Variants in RGS6 observed in about 807,000 individuals in gnomAD.
RGS6 encodes regulator of G protein signaling 6.
RGS6 carries 30 observed loss-of-function variants against 78.5 expected under a neutral mutation model. The ratio of observed to expected loss-of-function variants is 0.38; its 90% CI spans 0.29 to 0.52. The LOEUF is 0.52. RGS6 is among the 20% of genes least tolerant of loss of function. The pLI is 0.85. For synonymous variants in RGS6, 206 were observed against 206.0 expected, an observed-to-expected ratio of 1.00 and a Z score of 0.00; for missense variants, 495 against 609.7, an observed-to-expected ratio of 0.81 and a Z score of 1.98.
intron 3 of RGS6, 57 bp downstream of exon 3, chr14:72,352,251 T>C: frequency 1.3e-5 from 18 of 1,348,038 alleles, no homozygotes; most frequent in Non-Finnish European, 1.9e-5. Context: ...GAGTTATAAG[T>C]CTAGATTGCG....
At chr14:72,407,188 G>A (rs1740472993) in intron 3 of RGS6, among the ~76,000 whole-genome samples, 2 of 152,164 alleles carry the variant, frequency 1.3e-5, no homozygotes, top group Admixed American at 1.3e-4. Context: ...TAACTCATGT[G>A]GTAAAAGAAT....
chr14:72,595,886 C>T, the RGS6 span, among the ~76,000 whole-genome samples: 2 of 152,182 alleles, frequency 1.3e-5, no homozygotes, highest in South Asian at 2.1e-4. Context: ...CGTACCTCCA[C>T]GGAAAGCCAC....
At chr14:71,889,129 G>A in the RGS6 span, among the ~76,000 whole-genome samples, 104 of 152,210 alleles carry the variant, frequency 6.8e-4, no homozygotes, top group Middle Eastern at 3.4e-3. Context: ...ATTCAGAGGC[G>A]GGCAGGATCT....
At chr14:72,094,053 AT>A (rs1264231283) in intron 2 of RGS6, among the ~76,000 whole-genome samples, 4 of 152,204 alleles carry the variant, frequency 2.6e-5, no homozygotes, top group African/African-American at 7.2e-5. Flanking sequence ...CATGAAAAAA[AT>A]ATAAGGCTTA....
intron 2 of RGS6, among the ~76,000 whole-genome samples, chr14:72,223,610 G>A (rs1156282027): frequency 1.3e-5 from 2 of 152,196 alleles, no homozygotes; most frequent in Non-Finnish European, 2.9e-5. Context: ...AATGGCTAAG[G>A]CATGGTGATG....
At chr14:72,457,505 C>G (rs1421345235) in intron 4 of RGS6, among the ~76,000 whole-genome samples, 1 of 151,838 alleles carries the variant, frequency 6.6e-6, no homozygotes, top group Non-Finnish European at 1.5e-5. Flanking sequence ...CGCTGTGTTG[C>G]TCAGGCTTGT....
rs759236267 is a variant in RGS6, at chr14:72,518,532, G to A, written c.1273G>A (p.Ala425Thr). The A allele has an allele frequency of 5.0e-6, 8 of 1,613,752 alleles. No individual in the cohort carries two copies. The highest frequency in any genetic ancestry group is 1.1e-5 in the South Asian group (1 of 91,060). Reference protein sequence around the residue: ...KDGGRYTFEDAQEHIYKLMKS... With the variant: ...KDGGRYTFEDTQEHIYKLMKS... ...TGGAGGGAGATATACATTTGAAGACGCCCAGGTTTGCTTATCTACTCAAGT... is the reference window on the plus strand; with the variant it reads ...TGGAGGGAGATATACATTTGAAGACACCCAGGTTTGCTTATCTACTCAAGT... The change falls in exon 15 of 18, where the codon GCC becomes ACC. Residue 425 changes from alanine (A) to threonine (T), a missense_variant. Coordinates refer to ENST00000553525, the MANE Select transcript of RGS6 (RefSeq NM_001204424.2).
intron 12 of RGS6, among the ~76,000 whole-genome samples, chr14:72,484,191 G>T (rs1369998431): frequency 6.6e-5 from 10 of 152,186 alleles, no homozygotes; most frequent in Admixed American, 6.5e-4. Flanking sequence ...GTCTTCTCAT[G>T]TAGAGGCTCT....
At chr14:71,994,279 A>AT (rs1270595761) in intron 2 of RGS6, among the ~76,000 whole-genome samples, 2 of 151,972 alleles carry the variant, frequency 1.3e-5, no homozygotes, top group Non-Finnish European at 2.9e-5. Context: ...CTAACGAAGA[A>AT]TTTTTTATTT....
chr14:72,261,649 C>T (rs1032356816), intron 2 of RGS6, among the ~76,000 whole-genome samples: 2 of 152,160 alleles, frequency 1.3e-5, no homozygotes, highest in Non-Finnish European at 2.9e-5. Flanking sequence ...CAAACCCACA[C>T]GATACAGAGA....
At chr14:72,020,688 A>G (rs1220306174) in intron 2 of RGS6, among the ~76,000 whole-genome samples, 2 of 152,086 alleles carry the variant, frequency 1.3e-5, no homozygotes, top group African/African-American at 4.8e-5. Flanking sequence ...GGCACTTTTT[A>G]AAGCACTTTA....
In RGS6 at chr14:72,548,342, T is replaced by TGTGTGTGTGTGTGCGCGC. The variant is rs796698263; in HGVS notation, c.1422+8249_1422+8250insTGTGTGTGTGTGCGCGCG. Among the ~76,000 whole-genome samples the TGTGTGTGTGTGTGCGCGC allele has an allele frequency of 4.2e-3, 571 of 134,812 alleles. 9 individuals carry two copies. Among genetic ancestry groups the TGTGTGTGTGTGTGCGCGC allele is most frequent in the East Asian group, 0.038 (151 of 3,976 alleles). 88.4% of individuals were successfully genotyped at this position (134,812 alleles called of 152,430 possible). ...CAGATCATATTTGTGTGTGTGTGTG[T>TGTGTGTGTGTGTGCGCGC]GCGCGCGTGTGTGTGTGTGTGTGTG... On this transcript the variant is annotated intron_variant, in intron 17 of 17. Transcript: ENST00000553525.
intron 15 of RGS6, among the ~76,000 whole-genome samples, chr14:72,520,116 G>A (rs2097014059): frequency 6.6e-6 from 1 of 152,002 alleles, no homozygotes; most frequent in Non-Finnish European, 1.5e-5. Context: ...ACAAATCCAA[G>A]ATGTTGCATC....
intron 3 of RGS6, among the ~76,000 whole-genome samples, chr14:72,425,252 C>T (rs750539757): frequency 1.3e-5 from 2 of 152,098 alleles, no homozygotes; most frequent in Non-Finnish European, 2.9e-5. Flanking sequence ...AATTCTCATG[C>T]CTCAGCCTCC....
intron 17 of RGS6, among the ~76,000 whole-genome samples, chr14:72,545,911 G>A (rs1050704763): frequency 1.1e-5 from 1 of 90,816 alleles, no homozygotes; most frequent in Non-Finnish European, 2.0e-5. Flanking sequence ...ATGCCCAGCT[G>A]TGTGTGTGTG....
the RGS6 span, chr14:72,619,766 G>T: frequency 1.2e-6 from 1 of 828,874 alleles, no homozygotes; most frequent in East Asian, 2.8e-5. Context: ...TACCTTGTGG[G>T]GTTGTGATGA....
At chr14:72,054,722 A>AC (rs2093526819) in intron 2 of RGS6, among the ~76,000 whole-genome samples, 1 of 151,674 alleles carries the variant, frequency 6.6e-6, no homozygotes, top group Non-Finnish European at 1.5e-5. Flanking sequence ...TTACTCCTTC[A>AC]CCTCCCCATC....
At chr14:72,298,775 AGT>A (rs2152389234) in intron 2 of RGS6, among the ~76,000 whole-genome samples, 1 of 152,228 alleles carries the variant, frequency 6.6e-6, no homozygotes, top group Admixed American at 6.5e-5. Flanking sequence ...TGCTTGTTTC[AGT>A]GTCTGGGCAA....
intron 2 of RGS6, among the ~76,000 whole-genome samples, chr14:72,292,808 G>A (rs1007951955): frequency 6.6e-6 from 1 of 152,234 alleles, no homozygotes; most frequent in Non-Finnish European, 1.5e-5. Context: ...AAAGGTGCAT[G>A]AGGAATTGAA....
Sources: allele counts gnomAD v4.1 joint callset (sites outside exome capture counted in the v4.1 genomes callset), GRCh38; gene constraint gnomAD v4.1.1; transcripts MANE v1.5; gene names NCBI Gene and HGNC (gene_info 2026-07-23, HGNC 2026-07-21).